The following NECTIN1 variants were observed in gnomAD, a reference collection of about 807,000 sequenced individuals.
The protein encoded by NECTIN1 is nectin cell adhesion molecule 1.
NECTIN1 carries 23 observed loss-of-function variants against 48.0 expected under a neutral mutation model. The ratio of observed to expected loss-of-function variants is 0.48; its 90% CI spans 0.34 to 0.68. The LOEUF is 0.68. NECTIN1 is among the 30% of genes least tolerant of loss of function. The pLI is 0.01. For synonymous variants in NECTIN1, 270 were observed against 288.9 expected, an observed-to-expected ratio of 0.93 and a Z score of 0.66; for missense variants, 591 against 709.9, an observed-to-expected ratio of 0.83 and a Z score of 1.90.
chr11:119,649,208 G>A (rs750311832), intron 5 of NECTIN1, among the ~76,000 whole-genome samples: 13 of 152,120 alleles, frequency 8.5e-5, no homozygotes, highest in Non-Finnish European at 1.8e-4. Context: ...GTGAAACCCC[G>A]TCTCAACTAA....
In NECTIN1 at chr11:119,661,949, C is replaced by T; in HGVS notation, c.*2798G>A. 7 of 985,354 alleles carry T rather than the reference C, an allele frequency of 7.1e-6. No individual in the cohort carries two copies. The highest frequency in any genetic ancestry group is 8.4e-6 in the Non-Finnish European group (7 of 829,928). The allele number at this position is 985,354 out of a possible 1,614,324, so 61.0% of individuals were successfully genotyped here. A position where few individuals can be genotyped will look rare whatever the true frequency, so the allele number is the denominator to read the frequency against. ...GGTCGCACTTGCAGGCCTGTGTTCACCTACTCTGTGCTGCTGCTTTTCAGA... is the reference window on the plus strand; with the variant it reads ...GGTCGCACTTGCAGGCCTGTGTTCATCTACTCTGTGCTGCTGCTTTTCAGA... On this transcript the variant is annotated 3_prime_UTR_variant, in exon 6 of 6. Transcript: ENST00000264025.
chr11:119,697,014 C>T (rs904462716), intron 1 of NECTIN1, among the ~76,000 whole-genome samples: 8 of 152,146 alleles, frequency 5.3e-5, no homozygotes, highest in Non-Finnish European at 1.0e-4. Flanking sequence ...ATGAGGCCTG[C>T]CCACTCTGTG....
Position 119,678,399 on chromosome 11 carries a change from G to T in NECTIN1, c.430+16C>A. On this transcript the variant is annotated intron_variant, in intron 2 of 5. Transcript: ENST00000264025. This position sits in a 1 kb window ranked among gnomAD's most constrained non-coding sequence, Gnocchi z 4.4. Reference sequence around the variant, plus strand: ...AGGCCTCTGGATGAACAGGGAGGGGGCCCAGGGCAGCTTACCCATCACCGT... The same window carrying T: ...AGGCCTCTGGATGAACAGGGAGGGGTCCCAGGGCAGCTTACCCATCACCGT... 6.2e-7 allele frequency: 1 copy of T among 1,609,510 alleles called. No individual in the cohort carries two copies. The highest frequency in any genetic ancestry group is 8.5e-7 in the Non-Finnish European group (1 of 1,175,950).
chr11:119,640,685 G>A (rs1463906183), intron 5 of NECTIN1: 1 of 152,786 alleles, frequency 6.5e-6, no homozygotes, highest in East Asian at 1.9e-4. Flanking sequence ...GTCTGTCCCT[G>A]AAGCCCAGGA....
intron 1 of NECTIN1, among the ~76,000 whole-genome samples, chr11:119,724,613 T>C (rs1865881340): frequency 6.6e-6 from 1 of 152,214 alleles, no homozygotes; most frequent in African/African-American, 2.4e-5. Context: ...CAGGTCCTAG[T>C]CAGAAAACTC....
At position 119,663,440 on chromosome 11, in the gene NECTIN1, A is replaced by G. The variant is rs772806859; in HGVS notation, c.*1307T>C. On this transcript the variant is annotated 3_prime_UTR_variant, in exon 6 of 6. Coordinates refer to ENST00000264025, the MANE Select transcript of NECTIN1 (RefSeq NM_002855.5). ...TTCTCCTAGGCCCTCCCCTCATCCCAGAATGAGGACCAGGGGTGGCTGAGC... is the reference window on the plus strand; with the variant it reads ...TTCTCCTAGGCCCTCCCCTCATCCCGGAATGAGGACCAGGGGTGGCTGAGC... 1.6e-5 allele frequency: 16 copies of G among 985,490 alleles called. No individual in the cohort carries two copies. The highest frequency in any genetic ancestry group is 1.9e-5 in the Non-Finnish European group (16 of 829,950). 61.0% of individuals were successfully genotyped at this position (985,490 alleles called of 1,614,324 possible).
chr11:119,713,294 G>T (rs950886605), intron 1 of NECTIN1, among the ~76,000 whole-genome samples: 8 of 152,162 alleles, frequency 5.3e-5, no homozygotes, highest in African/African-American at 1.7e-4. Context: ...CAGGGCAGGG[G>T]TAGGTGTGGG....
At position 119,662,814 on chromosome 11, in the gene NECTIN1, T is replaced by C. The variant is rs1369445584; in HGVS notation, c.*1933A>G. ...GGAAAGACTCCACAATTTTCTCCCC[T>C]AACTTCACCCTATCCAGTACCCCAA... On this transcript the variant is annotated 3_prime_UTR_variant, in exon 6 of 6. Transcript: ENST00000264025. The surrounding 1 kb of genome is among the most constrained non-coding windows in gnomAD (Gnocchi z 5.3). The C allele has an allele frequency of 1.0e-6, 1 of 986,250 alleles. No individual in the cohort carries two copies. Among genetic ancestry groups the C allele is most frequent in the Non-Finnish European group, 1.2e-6 (1 of 830,302 alleles). 61.1% of individuals were successfully genotyped at this position (986,250 alleles called of 1,614,324 possible).
intron 1 of NECTIN1, among the ~76,000 whole-genome samples, chr11:119,721,598 G>T (rs1023546768): frequency 3.3e-5 from 5 of 152,206 alleles, no homozygotes; most frequent in Admixed American, 6.5e-5. Flanking sequence ...TGAAATTGGG[G>T]TCTGTGCTGA....
At position 119,678,164 on chromosome 11, in the gene NECTIN1, C is replaced by T. The variant is rs981235589; in HGVS notation, c.430+251G>A. Among the ~76,000 whole-genome samples the T allele has an allele frequency of 5.3e-5, 8 of 152,298 alleles. No homozygotes were observed. Among genetic ancestry groups the T allele is most frequent in the Admixed American group, 3.9e-4 (6 of 15,298 alleles). The stretch of plus-strand genomic sequence containing the variant: ...CTTACCGTGGTGTCTGATGCTGCTG[C>T]CAGCACAGTGCCTTGTGGGCTTCAA... On this transcript the variant is annotated intron_variant, in intron 2 of 5. Transcript: ENST00000264025. The surrounding 1 kb of genome is among the most constrained non-coding windows in gnomAD (Gnocchi z 4.4).
At chr11:119,651,448 G>A (rs1360078229) in intron 5 of NECTIN1, among the ~76,000 whole-genome samples, 3 of 152,076 alleles carry the variant, frequency 2.0e-5, no homozygotes, top group Admixed American at 1.3e-4. Context: ...GTCTGTCCTC[G>A]CCACCCCATA....
chr11:119,705,042 T>C (rs1358364095), intron 1 of NECTIN1, among the ~76,000 whole-genome samples: 1 of 152,010 alleles, frequency 6.6e-6, no homozygotes, highest in African/African-American at 2.4e-5. Flanking sequence ...ACTGTGTAGA[T>C]GCCATAAAGC....
chr11:119,662,645 A>G lies in NECTIN1; in HGVS notation c.*2102T>C, dbSNP rs1864687507. On this transcript the variant is annotated 3_prime_UTR_variant, in exon 6 of 6. Coordinates refer to ENST00000264025, the MANE Select transcript of NECTIN1 (RefSeq NM_002855.5). This position sits in a 1 kb window ranked among gnomAD's most constrained non-coding sequence, Gnocchi z 5.3. ...CCTGGGATTGCCTCCTGCCTGGGGG[A>G]AAAGGGGACCAAGCAGAGGGGCCAG... 3.0e-6 allele frequency: 3 copies of G among 985,280 alleles called. No homozygotes were observed. Among genetic ancestry groups the G allele is most frequent in the Non-Finnish European group, 3.6e-6 (3 of 829,936 alleles). The allele number at this position is 985,280 out of a possible 1,614,324, so 61.0% of individuals were successfully genotyped here.
chr11:119,720,298 A>G (rs1027074228), intron 1 of NECTIN1, among the ~76,000 whole-genome samples: 8 of 152,386 alleles, frequency 5.2e-5, no homozygotes, highest in African/African-American at 7.2e-5. Context: ...CACAGAGAAC[A>G]GTCACAGCAG....
At chr11:119,674,382 G>T in intron 5 of NECTIN1, 2 of 1,486,398 alleles carry the variant, frequency 1.3e-6, no homozygotes, top group Non-Finnish European at 1.8e-6. Flanking sequence ...GATGATGGAG[G>T]TCAGGGTAAT....
At chr11:119,689,485 C>A (rs1044068718) in intron 1 of NECTIN1, among the ~76,000 whole-genome samples, 1 of 152,220 alleles carries the variant, frequency 6.6e-6, no homozygotes, top group Non-Finnish European at 1.5e-5. Context: ...CAGAATTCTG[C>A]CTGCCCAGAG....
At chr11:119,674,714 C>T (rs895079029) in intron 5 of NECTIN1, 1 of 1,613,970 alleles carries the variant, frequency 6.2e-7, no homozygotes, top group African/African-American at 1.3e-5. Flanking sequence ...TTCGCTTTCT[C>T]TCCAGTCTCC....
At chr11:119,659,020 T>A (rs2135537936), downstream of NECTIN1, 1 of 152,320 alleles carries the variant, frequency 6.6e-6, no homozygotes, top group East Asian at 1.9e-4. Flanking sequence ...TCTTAACAGA[T>A]CTCTGTCTGG....
chr11:119,678,159 T>C lies in NECTIN1; in HGVS notation c.430+256A>G, dbSNP rs980499543. ...CTTTCCTTACCGTGGTGTCTGATGC[T>C]GCTGCCAGCACAGTGCCTTGTGGGC... is the stretch of plus-strand genomic sequence containing the variant. On this transcript the variant is annotated intron_variant, in intron 2 of 5. Transcript: ENST00000264025. This position sits in a 1 kb window ranked among gnomAD's most constrained non-coding sequence, Gnocchi z 4.4. 2.0e-5 allele frequency among the ~76,000 whole-genome samples: 3 copies of C among 152,188 alleles called. No homozygotes were observed. Among genetic ancestry groups the C allele is most frequent in the Non-Finnish European group, 4.4e-5 (3 of 68,038 alleles).
Sources: allele counts gnomAD v4.1 joint callset (sites outside exome capture counted in the v4.1 genomes callset), GRCh38; gene constraint gnomAD v4.1.1; non-coding constraint Gnocchi (gnomAD v3.1); transcripts MANE v1.5; gene names NCBI Gene and HGNC (gene_info 2026-07-23, HGNC 2026-07-21).